PALS2: variants seen among roughly 807,000 people sequenced by gnomAD.
The protein encoded by PALS2 is protein PALS2.
In PALS2, 27 loss-of-function variants were observed where a neutral mutation model predicts 61.6. The observed-to-expected ratio is 0.44, with a 90% confidence interval of 0.32 to 0.60. The LOEUF (loss-of-function observed/expected upper bound fraction) is 0.60, where lower values mean the gene tolerates loss of function less well. Ranked by LOEUF, PALS2 falls within the 20% of genes least tolerant of loss-of-function variation. The pLI is 0.05. For missense variants in PALS2, 554 were observed against 639.4 expected (o/e 0.87, Z 1.44); for synonymous variants, 236 against 218.6 (o/e 1.08, Z -0.70).
intron 1 of PALS2, among the ~76,000 whole-genome samples, chr7:24,594,402 A>G (rs1012178862): frequency 2.0e-5 from 3 of 152,084 alleles, no homozygotes; most frequent in Non-Finnish European, 4.4e-5. Context: ...TTGCATTCAC[A>G]ACTTGGCTGT....
At position 24,666,014 on chromosome 7, in the gene PALS2, C is replaced by T; in HGVS notation, c.884-7C>T. 1.2e-6 allele frequency: 2 copies of T among 1,602,386 alleles called. No individual in the cohort carries two copies. The highest frequency in any genetic ancestry group is 1.3e-5 in the African/African-American group (1 of 74,492). ...GCTTAAGTTATATTTGTTTTATCAT[C>T]CTTCAGGACCTTTTTGTGGAACTAT... On this transcript the variant is annotated splice_region_variant and splice_polypyrimidine_tract_variant and intron_variant, in intron 7 of 11. Coordinates refer to ENST00000222644, the MANE Select transcript of PALS2 (RefSeq NM_001303037.2).
chr7:24,585,964 T>C (rs1322880878), intron 1 of PALS2, among the ~76,000 whole-genome samples: 2 of 152,200 alleles, frequency 1.3e-5, no homozygotes, highest in Non-Finnish European at 2.9e-5. Context: ...TTCCCTCTTT[T>C]GCAAATTATC....
intron 1 of PALS2, among the ~76,000 whole-genome samples, chr7:24,622,889 TGAAA>T (rs1480976576): frequency 1.3e-5 from 2 of 152,044 alleles, no homozygotes; most frequent in South Asian, 2.1e-4. Flanking sequence ...GTTTTTATTA[TGAAA>T]GAGTTTTGGG....
intron 1 of PALS2, among the ~76,000 whole-genome samples, chr7:24,610,442 A>G (rs1017289919): frequency 1.3e-5 from 2 of 152,178 alleles, no homozygotes; most frequent in African/African-American, 4.8e-5. Context: ...TTCAACATCT[A>G]ACCACGTGCA....
chr7:24,607,462 ATCTC>A (rs149774477), intron 1 of PALS2, among the ~76,000 whole-genome samples: 5,957 of 148,408 alleles, frequency 0.04, 152 homozygotes, highest in Non-Finnish European at 0.059. Flanking sequence ...ATGTATGTGT[ATCTC>A]TCTCTCTCTC....
chr7:24,615,463 T>G (rs1269663397), intron 1 of PALS2, among the ~76,000 whole-genome samples: 3 of 152,080 alleles, frequency 2.0e-5, no homozygotes, highest in Middle Eastern at 3.4e-3. Context: ...AACAACTATA[T>G]GTCAATACAT....
At chr7:24,678,311 A>G (rs1787730709) in intron 9 of PALS2, among the ~76,000 whole-genome samples, 1 of 152,124 alleles carries the variant, frequency 6.6e-6, no homozygotes, top group Non-Finnish European at 1.5e-5. Flanking sequence ...CCTACTTCTA[A>G]ATTTTGACTT....
chr7:24,664,258 A>G (rs1183805565), intron 6 of PALS2, among the ~76,000 whole-genome samples: 1 of 152,176 alleles, frequency 6.6e-6, no homozygotes, highest in Non-Finnish European at 1.5e-5. Context: ...TGTATATGGA[A>G]AGAGATGTGT....
intron 5 of PALS2, 35 bp downstream of exon 5, chr7:24,650,747 C>T: frequency 7.5e-7 from 1 of 1,329,520 alleles, no homozygotes; most frequent in South Asian, 1.5e-5. Context: ...ATTAAAAATA[C>T]TTTCATGTTT....
chr7:24,583,258 G>A (rs1486450240), intron 1 of PALS2, among the ~76,000 whole-genome samples: 2 of 151,744 alleles, frequency 1.3e-5, no homozygotes, highest in Non-Finnish European at 2.9e-5. Flanking sequence ...CTTTTGGAAT[G>A]GAGGTCAGTA....
At chr7:24,645,045 A>G (rs1020549102) in intron 3 of PALS2, among the ~76,000 whole-genome samples, 2 of 152,126 alleles carry the variant, frequency 1.3e-5, no homozygotes, top group African/African-American at 4.8e-5. Context: ...GACATTTGTC[A>G]GATGCATCAT....
intron 2 of PALS2, among the ~76,000 whole-genome samples, chr7:24,627,681 G>GGAT (rs1784808574): frequency 6.6e-6 from 1 of 151,986 alleles, no homozygotes; most frequent in Admixed American, 6.6e-5. Flanking sequence ...ATGGTAAAGG[G>GGAT]GATACCATCA....
chr7:24,621,027 A>G (rs1434464905), intron 1 of PALS2, among the ~76,000 whole-genome samples: 12 of 152,322 alleles, frequency 7.9e-5, no homozygotes, highest in Admixed American at 5.2e-4. Flanking sequence ...ACTGCTAACC[A>G]CATTTATAGC....
At chr7:24,668,738 CAT>C in intron 9 of PALS2, 78 bp downstream of exon 9, 3 of 1,492,508 alleles carry the variant, frequency 2.0e-6, no homozygotes, top group Non-Finnish European at 2.7e-6. Context: ...GGATTATTAT[CAT>C]TAGTTATTGT....
intron 10 of PALS2, among the ~76,000 whole-genome samples, 199 bp from the exon 11 acceptor site, chr7:24,680,193 C>T (rs1256100911): frequency 6.6e-6 from 1 of 152,090 alleles, no homozygotes; most frequent in East Asian, 1.9e-4. Flanking sequence ...GAGGAACAGA[C>T]TGAGTTCAAA....
At chr7:24,685,910 T>G (rs1321437036) in intron 11 of PALS2, among the ~76,000 whole-genome samples, 2 of 152,194 alleles carry the variant, frequency 1.3e-5, no homozygotes, top group African/African-American at 4.8e-5. Flanking sequence ...GCCATTGTTA[T>G]GCTAATGATT....
At chr7:24,652,830 C>T (rs991601702) in intron 5 of PALS2, among the ~76,000 whole-genome samples, 4 of 152,132 alleles carry the variant, frequency 2.6e-5, no homozygotes, top group Non-Finnish European at 5.9e-5. Context: ...TAATGTTTTT[C>T]AAAAGCATAG....
intron 2 of PALS2, among the ~76,000 whole-genome samples, chr7:24,633,682 C>T (rs935634747): frequency 6.6e-6 from 1 of 151,940 alleles, no homozygotes; most frequent in African/African-American, 2.4e-5. Context: ...GGATACTCAA[C>T]CTATATTATG....
intron 1 of PALS2, among the ~76,000 whole-genome samples, chr7:24,576,244 T>C (rs557899236): frequency 3.9e-5 from 6 of 152,324 alleles, no homozygotes; most frequent in African/African-American, 1.2e-4. Flanking sequence ...GAATTAAAGA[T>C]TTTATTTTTT....
Sources: allele counts gnomAD v4.1 joint callset (sites outside exome capture counted in the v4.1 genomes callset), GRCh38; gene constraint gnomAD v4.1.1; transcripts MANE v1.5; gene names NCBI Gene and HGNC (gene_info 2026-07-23, HGNC 2026-07-21).